FCHSD2: variants seen among roughly 807,000 people sequenced by gnomAD.
The protein encoded by FCHSD2 is F-BAR and double SH3 domains protein 2.
In FCHSD2, 38 loss-of-function variants were observed where a neutral mutation model predicts 108.1. The observed-to-expected ratio is 0.35, with a 90% confidence interval of 0.27 to 0.46. FCHSD2 has a LOEUF of 0.46. Ranked by LOEUF, FCHSD2 falls within the 20% of genes least tolerant of loss-of-function variation. The probability of loss-of-function intolerance (pLI) is 1.00; values close to 1 mark genes in which losing one functional copy is unlikely to be tolerated. For synonymous variants in FCHSD2, 279 were observed against 314.7 expected, an observed-to-expected ratio of 0.89 and a Z score of 1.20; for missense variants, 751 against 897.8, an observed-to-expected ratio of 0.84 and a Z score of 2.09.
chr11:72,871,524 CCA>C lies in FCHSD2; in HGVS notation c.1147-3500_1147-3499del, dbSNP rs200173029. Among the ~76,000 whole-genome samples, 1,388 of 152,184 alleles carry C rather than the reference CCA, an allele frequency of 9.1e-3. 21 individuals are homozygous for C. The highest frequency in any genetic ancestry group is 0.03 in the African/African-American group (1,265 of 41,488). Reference sequence around the variant, plus strand: ...AGCTAATTTTAGGTTAAGTAAGGTTCCACTTACTTAACCTAAGTAAAGTTCCA... The same window carrying C: ...AGCTAATTTTAGGTTAAGTAAGGTTCCTTACTTAACCTAAGTAAAGTTCCA... On this transcript the variant is annotated intron_variant, in intron 12 of 19. Coordinates refer to ENST00000409418, the MANE Select transcript of FCHSD2 (RefSeq NM_014824.3).
At chr11:73,015,304 C>T (rs1203944268) in intron 4 of FCHSD2, among the ~76,000 whole-genome samples, 3 of 152,158 alleles carry the variant, frequency 2.0e-5, no homozygotes, top group Admixed American at 6.5e-5. Flanking sequence ...AATACAAACA[C>T]ATATATTTTT....
chr11:73,087,790 T>C (rs1009540242), intron 2 of FCHSD2, among the ~76,000 whole-genome samples: 1 of 152,120 alleles, frequency 6.6e-6, no homozygotes, highest in African/African-American at 2.4e-5. Context: ...CAGTATACAT[T>C]AGTTTCCTAG....
At chr11:72,970,498 TA>T (rs1444854561) in intron 8 of FCHSD2, among the ~76,000 whole-genome samples, 3 of 152,244 alleles carry the variant, frequency 2.0e-5, no homozygotes, top group Non-Finnish European at 4.4e-5. Context: ...AAAGCTACTT[TA>T]GTGGCATTTT....
At chr11:73,030,135 A>G (rs149528333) in intron 3 of FCHSD2, among the ~76,000 whole-genome samples, 1 of 152,308 alleles carries the variant, frequency 6.6e-6, no homozygotes, top group Non-Finnish European at 1.5e-5. Context: ...TAAAACTGCT[A>G]CATGATAGCA....
chr11:72,958,475 A>G (rs1393285162), intron 8 of FCHSD2, among the ~76,000 whole-genome samples: 2 of 152,202 alleles, frequency 1.3e-5, no homozygotes, highest in African/African-American at 4.8e-5. Flanking sequence ...CTGAGATCGC[A>G]CCACTGCACT....
intron 8 of FCHSD2, among the ~76,000 whole-genome samples, chr11:72,946,235 T>C (rs535709425): frequency 2.6e-5 from 4 of 152,236 alleles, no homozygotes; most frequent in Non-Finnish European, 5.9e-5. Flanking sequence ...GATGAGTTCA[T>C]GTCCTTTGTA....
chr11:72,957,030 T>C (rs992204116), intron 8 of FCHSD2, among the ~76,000 whole-genome samples: 10 of 151,512 alleles, frequency 6.6e-5, no homozygotes, highest in East Asian at 1.9e-4. Flanking sequence ...TTTTTTTTTT[T>C]TTCTTCTTTT....
chr11:73,080,888 G>A (rs1565400887), intron 3 of FCHSD2, among the ~76,000 whole-genome samples: 2 of 151,994 alleles, frequency 1.3e-5, no homozygotes, highest in Non-Finnish European at 2.9e-5. Flanking sequence ...AAGTTGCAGT[G>A]AGCCAAGACT....
intron 2 of FCHSD2, among the ~76,000 whole-genome samples, chr11:73,098,970 T>C (rs1371884656): frequency 1.3e-5 from 2 of 152,036 alleles, no homozygotes; most frequent in African/African-American, 4.8e-5. Context: ...TCTCAACACT[T>C]TGGGAGACTG....
At chr11:72,952,686 G>A (rs1856641903) in intron 8 of FCHSD2, among the ~76,000 whole-genome samples, 1 of 152,086 alleles carries the variant, frequency 6.6e-6, no homozygotes, top group South Asian at 2.1e-4. Flanking sequence ...GTAGAGATGA[G>A]ACATTAAGTT....
chr11:73,029,457 A>G (rs763600505), intron 3 of FCHSD2, among the ~76,000 whole-genome samples: 14 of 152,224 alleles, frequency 9.2e-5, no homozygotes, highest in Non-Finnish European at 1.2e-4. Context: ...CTCTTAGCTC[A>G]GCTGTGGCTA....
chr11:72,914,732 C>T (rs1307419729), intron 9 of FCHSD2, among the ~76,000 whole-genome samples: 1 of 152,144 alleles, frequency 6.6e-6, no homozygotes. Context: ...CAAAAGTCAA[C>T]TCAAGATGGA....
intron 2 of FCHSD2, among the ~76,000 whole-genome samples, chr11:73,104,912 T>C (rs2135536753): frequency 6.6e-6 from 1 of 152,296 alleles, no homozygotes; most frequent in Middle Eastern, 3.4e-3. Context: ...AAAATCTATA[T>C]TTTACAATAT....
chr11:73,011,587 T>C (rs1277081524), intron 4 of FCHSD2, among the ~76,000 whole-genome samples: 1 of 152,190 alleles, frequency 6.6e-6, no homozygotes, highest in Admixed American at 6.5e-5. Flanking sequence ...CTTGCTGCAG[T>C]TGCTTAGTTC....
At chr11:73,057,498 T>C (rs1473053191) in intron 3 of FCHSD2, among the ~76,000 whole-genome samples, 2 of 151,870 alleles carry the variant, frequency 1.3e-5, no homozygotes, top group Non-Finnish European at 2.9e-5. Flanking sequence ...AAAACTATAT[T>C]AAAAAGGATA....
chr11:72,981,973 C>A (rs1285235082), intron 8 of FCHSD2, among the ~76,000 whole-genome samples: 1 of 152,106 alleles, frequency 6.6e-6, no homozygotes, highest in Admixed American at 6.5e-5. Context: ...CAGAGCGAGA[C>A]CCTGTCTCAA....
rs189293763 is a variant in FCHSD2, at chr11:73,000,571, A to C, written c.387+419T>G. Among the ~76,000 whole-genome samples the C allele has an allele frequency of 1.2e-3, 179 of 152,280 alleles. 1 individual carries two copies. The highest frequency in any genetic ancestry group is 4.1e-3 in the African/African-American group (172 of 41,572). On this transcript the variant is annotated intron_variant, in intron 5 of 19. Transcript: ENST00000409418. ...TTTTTATGTTTAGTCAAAATGTGTTAATTTCCTTTAAATTATTATACAAAA... is the reference window on the plus strand; with the variant it reads ...TTTTTATGTTTAGTCAAAATGTGTTCATTTCCTTTAAATTATTATACAAAA...
intron 2 of FCHSD2, among the ~76,000 whole-genome samples, chr11:73,099,431 A>G (rs1272030172): frequency 6.6e-6 from 1 of 152,200 alleles, no homozygotes; most frequent in Non-Finnish European, 1.5e-5. Context: ...ACTACATGAC[A>G]CAATTCCACC....
At chr11:73,064,424 A>C (rs1425568389) in intron 3 of FCHSD2, among the ~76,000 whole-genome samples, 1 of 152,170 alleles carries the variant, frequency 6.6e-6, no homozygotes, top group Non-Finnish European at 1.5e-5. Context: ...GAAGACAAGA[A>C]ATAACTAAGA....
Sources: allele counts gnomAD v4.1 joint callset (sites outside exome capture counted in the v4.1 genomes callset), GRCh38; gene constraint gnomAD v4.1.1; transcripts MANE v1.5; gene names NCBI Gene and HGNC (gene_info 2026-07-23, HGNC 2026-07-21).